The following FZD5 variants were observed in gnomAD, a reference collection of about 807,000 sequenced individuals.
The protein encoded by FZD5 is frizzled class receptor 5.
In FZD5, 12 loss-of-function variants were observed where a neutral mutation model predicts 40.8. The ratio of observed to expected loss-of-function variants is 0.29; its 90% CI spans 0.19 to 0.48. FZD5 has a LOEUF of 0.48. FZD5 is among the 20% of genes least tolerant of loss of function. FZD5 has a pLI of 0.99. For missense variants in FZD5, 622 were observed against 832.8 expected (o/e 0.75, Z 3.12); for synonymous variants, 380 against 383.7 (o/e 0.99, Z 0.11).
chr2:207,764,547 CA>C lies in FZD5; in HGVS notation c.*2434del, dbSNP rs2091970128. 6.6e-6 allele frequency: 1 copy of C among 152,164 alleles called. No homozygotes were observed. Among genetic ancestry groups the C allele is most frequent in the African/African-American group, 2.4e-5 (1 of 41,446 alleles). The allele number at this position is 152,164 out of a possible 1,614,324, so 9.4% of individuals were successfully genotyped here. A position where few individuals can be genotyped will look rare whatever the true frequency, so the allele number is the denominator to read the frequency against. On this transcript the variant is annotated 3_prime_UTR_variant, in exon 2 of 2. Transcript: ENST00000295417. Reference sequence around the variant, plus strand: ...TGAAAGTTGGTCTGGAATTAGACCCCAAAGATCCTGACTAATATTGCCCCCC... The same window carrying C: ...TGAAAGTTGGTCTGGAATTAGACCCCAAGATCCTGACTAATATTGCCCCCC...
In FZD5 at chr2:207,768,127, G is replaced by C. The variant is rs1411784705; in HGVS notation, c.613C>G (p.Pro205Ala). The stretch of plus-strand genomic sequence containing the variant: ...CCCGTCCGCACCTTGTTGTAGAGCG[G>C]GTGTGACTCCTTCAGAATGGGCACG... ...PFVPILKESHPLYNKVRTGQV... is the reference protein window; with the variant it reads ...PFVPILKESHALYNKVRTGQV... The change falls in exon 2 of 2, where the codon CCG becomes GCG. Residue 205 changes from proline (P) to alanine (A), a missense_variant. Pro to Ala is a conservative substitution (Grantham distance 27). Coordinates refer to ENST00000295417, the MANE Select transcript of FZD5 (RefSeq NM_003468.4). The C allele has an allele frequency of 6.2e-7, 1 of 1,612,648 alleles. No individual in the cohort carries two copies.
rs1575234315 is a variant in FZD5 at position 207,767,182 on chromosome 2, A to C, written c.1558T>G (p.Trp520Gly). 1 of 1,598,756 alleles carries C rather than the reference A, an allele frequency of 6.3e-7. No homozygotes were observed. Among genetic ancestry groups the C allele is most frequent in the African/African-American group, 1.3e-5 (1 of 74,546 alleles). The change falls in exon 2 of 2, where the codon TGG (tryptophan) becomes GGG (glycine). Residue 520 changes from tryptophan (W) to glycine (G), a missense_variant. Physicochemically the swap from Trp to Gly is radical, Grantham distance 184. Coordinates refer to ENST00000295417, the MANE Select transcript of FZD5 (RefSeq NM_003468.4). ...TCCACCGTCTTGCCCGACCAGATCC[A>C]GACGCCCGACGTGATGCCCACCACC... ...CLVVGITSGV[W>G]IWSGKTVESW...
rs2091985183 is a variant in FZD5, at chr2:207,767,374, G to A, written c.1366C>T (p.Leu456Phe). ...LMIRIGIFTLLYTVPASIVVA... is the reference protein window; with the variant it reads ...LMIRIGIFTLFYTVPASIVVA... ...ACAATGCTGGCGGGGACCGTGTAGA[G>A]CAGCGTGAAGATGCCGATGCGGATC... is the stretch of plus-strand genomic sequence containing the variant. The change falls in exon 2 of 2, where the codon CTC becomes TTC. Residue 456 changes from leucine (L) to phenylalanine (F), a missense_variant. Physicochemically the swap from Leu to Phe is conservative, Grantham distance 22. This residue lies in a region of FZD5 where 208 missense variants were observed against 348.9 expected (regional missense o/e 0.60). Transcript: ENST00000295417. 3 of 1,612,282 alleles carry A rather than the reference G, an allele frequency of 1.9e-6. No homozygotes were observed. The highest frequency in any genetic ancestry group is 1.7e-5 in the Admixed American group (1 of 59,978).
In FZD5 at chr2:207,765,522, A is replaced by T. The variant is rs2105850199; in HGVS notation, c.*1460T>A. On this transcript the variant is annotated 3_prime_UTR_variant, in exon 2 of 2. Transcript: ENST00000295417. The stretch of plus-strand genomic sequence containing the variant: ...ATAGTTAAACAGATTAGTAAAGCAA[A>T]CCAAATTCTCTAATTGCAAAGTGTG... 6.6e-6 allele frequency: 1 copy of T among 152,434 alleles called. No individual in the cohort carries two copies. The highest frequency in any genetic ancestry group is 1.9e-4 in the East Asian group (1 of 5,186). 9.4% of individuals were successfully genotyped at this position (152,434 alleles called of 1,614,324 possible).
At position 207,763,183 on chromosome 2, in the gene FZD5, A is replaced by G. The variant is rs1288683818; in HGVS notation, c.*3799T>C. ...GTCACCAAATCTCTCATATATATAT[A>G]TAATATATATTATGTATATATACAA... On this transcript the variant is annotated 3_prime_UTR_variant, in exon 2 of 2. Coordinates refer to ENST00000295417, the MANE Select transcript of FZD5 (RefSeq NM_003468.4). The G allele has an allele frequency of 6.6e-6, 1 of 152,106 alleles. No individual in the cohort carries two copies. The highest frequency in any genetic ancestry group is 1.5e-5 in the Non-Finnish European group (1 of 67,966). The allele number at this position is 152,106 out of a possible 1,614,324, so 9.4% of individuals were successfully genotyped here.
chr2:207,768,083 C>G lies in FZD5; in HGVS notation c.657G>C (p.Ala219=), dbSNP rs1359795606. ...KVRTGQVPNC[A]VPCYQPSFSA... The stretch of plus-strand genomic sequence containing the variant: ...TGAAGGACGGCTGGTAGCAGGGTAC[C>G]GCGCAGTTGGGCACCTGGCCCGTCC... The change falls in exon 2 of 2, where the codon GCG becomes GCC. Residue 219 remains alanine, a synonymous_variant. Transcript: ENST00000295417. 8 of 1,613,208 alleles carry G rather than the reference C, an allele frequency of 5.0e-6. No homozygotes were observed. In the African/African-American group the frequency reaches 5.3e-5, roughly 11 times the overall value.
chr2:207,764,756 G>A lies in FZD5; in HGVS notation c.*2226C>T, dbSNP rs1222028218. Reference sequence around the variant, plus strand: ...CCAGATTTCTCCACAAAGAAGGAGGGACAACCCAAATGAGGCACAATGACT... The same window carrying A: ...CCAGATTTCTCCACAAAGAAGGAGGAACAACCCAAATGAGGCACAATGACT... On this transcript the variant is annotated 3_prime_UTR_variant, in exon 2 of 2. Coordinates refer to ENST00000295417, the MANE Select transcript of FZD5 (RefSeq NM_003468.4). 1.3e-5 allele frequency: 2 copies of A among 152,208 alleles called. No individual in the cohort carries two copies. The highest frequency in any genetic ancestry group is 2.4e-5 in the African/African-American group (1 of 41,454). The allele number at this position is 152,208 out of a possible 1,614,324, so 9.4% of individuals were successfully genotyped here.
Position 207,766,841 on chromosome 2 carries a change from C to A in FZD5, c.*141G>T, listed in dbSNP as rs1004234744. 11 of 594,330 alleles carry A rather than the reference C, an allele frequency of 1.9e-5. No individual in the cohort carries two copies. In the Admixed American group the frequency reaches 2.5e-4, roughly 13 times the overall value. 36.8% of individuals were successfully genotyped at this position (594,330 alleles called of 1,614,324 possible). A position where few individuals can be genotyped will look rare whatever the true frequency, so the allele number is the denominator to read the frequency against. On this transcript the variant is annotated 3_prime_UTR_variant, in exon 2 of 2. Coordinates refer to ENST00000295417, the MANE Select transcript of FZD5 (RefSeq NM_003468.4). ...CCTGGGACAGGTTCTTCCTCGAAAA[C>A]GCCCCTCTTCCCTCTCTCCAAGTCG...
rs62189218 is a variant in FZD5, at chr2:207,765,633, G to T, written c.*1349C>A. ...CACTATACTGATCTATATTTTAAAA[G>T]GTTGTGCAAGCATGTTATGCATCTC... On this transcript the variant is annotated 3_prime_UTR_variant, in exon 2 of 2. Coordinates refer to ENST00000295417, the MANE Select transcript of FZD5 (RefSeq NM_003468.4). 1,653 of 152,738 alleles carry T rather than the reference G, an allele frequency of 0.011. 19 individuals carry two copies. The highest frequency in any genetic ancestry group is 0.041 in the South Asian group (198 of 4,822). The allele number at this position is 152,738 out of a possible 1,614,324, so 9.5% of individuals were successfully genotyped here. A position where few individuals can be genotyped will look rare whatever the true frequency, so the allele number is the denominator to read the frequency against.
chr2:207,768,395 G>A lies in FZD5; in HGVS notation c.345C>T (p.Gly115=). 6.2e-7 allele frequency: 1 copy of A among 1,604,094 alleles called. No homozygotes were observed. Among genetic ancestry groups the A allele is most frequent in the Non-Finnish European group, 8.5e-7 (1 of 1,178,490 alleles). The change falls in exon 2 of 2, where the codon GGC becomes GGT. Residue 115 remains glycine, a synonymous_variant. Coordinates refer to ENST00000295417, the MANE Select transcript of FZD5 (RefSeq NM_003468.4). ...CGTACTGGCGCATCAGCGGCGAGCA[G>A]CCGGCCTTGGCGCGCTCGCACACCG... ...CRSVCERAKA[G]CSPLMRQYGF...
chr2:207,768,918 T>A lies in FZD5; in HGVS notation c.-179A>T. The A allele has an allele frequency of 1.7e-6, 1 of 601,908 alleles. No homozygotes were observed. The highest frequency in any genetic ancestry group is 2.1e-5 in the South Asian group (1 of 48,216). The allele number at this position is 601,908 out of a possible 1,614,324, so 37.3% of individuals were successfully genotyped here. A position where few individuals can be genotyped will look rare whatever the true frequency, so the allele number is the denominator to read the frequency against. ...TAAACTGCTTCGGGAAGGCGCTGCC[T>A]CCGCTGGCAGCGCTCCGCTCCTCGC... On this transcript the variant is annotated 5_prime_UTR_variant, in exon 2 of 2. Coordinates refer to ENST00000295417, the MANE Select transcript of FZD5 (RefSeq NM_003468.4).
rs1404127141 is a variant in FZD5, at chr2:207,767,800, G to C, written c.940C>G (p.Leu314Val). 1 of 1,612,620 alleles carries C rather than the reference G, an allele frequency of 6.2e-7. No individual in the cohort carries two copies. The highest frequency in any genetic ancestry group is 1.1e-5 in the South Asian group (1 of 90,766). The part of the protein sequence containing the change: ...HIHYETTGPA[L>V]CTIVFLLVYF... ...ACCAGGAGGAAGACGATGGTGCACA[G>C]TGCAGGGCCCGTGGTCTCGTAGTGG... The change falls in exon 2 of 2, where the codon CTG becomes GTG. Residue 314 changes from leucine (L) to valine (V), a missense_variant. Transcript: ENST00000295417.
In FZD5 at chr2:207,768,264, G is replaced by C. The variant is rs754794952; in HGVS notation, c.476C>G (p.Pro159Arg). ...GGGCTTGGCTGGGAAAGGCCTGGGGGGCGCCGTGGTGGCCTCGCTGCGGTT... is the reference window on the plus strand; with the variant it reads ...GGGCTTGGCTGGGAAAGGCCTGGGGCGCGCCGTGGTGGCCTCGCTGCGGTT... ...DYNRSEATTAPPRPFPAKPTL... is the reference protein window; with the variant it reads ...DYNRSEATTARPRPFPAKPTL... Residue 159 changes from proline (P) to arginine (R), a missense_variant, in exon 2 of 2, where the codon CCC becomes CGC. Coordinates refer to ENST00000295417, the MANE Select transcript of FZD5 (RefSeq NM_003468.4). The C allele has an allele frequency of 6.5e-7, 1 of 1,546,296 alleles. No homozygotes were observed. Among genetic ancestry groups the C allele is most frequent in the South Asian group, 1.2e-5 (1 of 85,554 alleles).
At position 207,767,842 on chromosome 2, in the gene FZD5, G is replaced by A. The variant is rs1575234767; in HGVS notation, c.898C>T (p.Arg300Cys). ...TCGTAGTGGATGTGGTTGTGCTCGC[G>A]GCTGCAGGCCACGCTGGCATGGCCC... ...VVGHASVACSREHNHIHYETT... is the reference protein window; with the variant it reads ...VVGHASVACSCEHNHIHYETT... Residue 300 changes from arginine to cysteine, a missense_variant, in exon 2 of 2, where the codon CGC becomes TGC. By Grantham distance (180) the Arg-to-Cys change is radical (BLOSUM62 -3). Transcript: ENST00000295417. The A allele has an allele frequency of 6.2e-7, 1 of 1,602,520 alleles. No homozygotes were observed. The highest frequency in any genetic ancestry group is 1.1e-5 in the South Asian group (1 of 89,528).
Position 207,767,894 on chromosome 2 carries a change from C to T in FZD5, c.846G>A (p.Ser282=), listed in dbSNP as rs578062013. The change falls in exon 2 of 2, where the codon TCG becomes TCA. Residue 282 remains serine, a synonymous_variant. Transcript: ENST00000295417. ...IFLSACYLCV[S]LGFLVRLVVG... The stretch of plus-strand genomic sequence containing the variant: ...CGACCAGACGCACCAGGAAGCCCAG[C>T]GACACGCACAGGTAGCAGGCTGACA... 8.1e-6 allele frequency: 13 copies of T among 1,598,476 alleles called. No individual in the cohort carries two copies. The South Asian group carries it at 1.1e-4, about 14-fold the overall frequency.
rs375732668 is a variant in FZD5 at position 207,767,279 on chromosome 2, C to A, written c.1461G>T (p.Pro487=). ...SWEAALTCAC[P]GHDTGQPRAK... is the part of the protein sequence containing the mutation. ...CGCGCGGCTGGCCGGTGTCGTGGCCCGGGCAGGCGCAGGTGAGCGCCGCCT... is the reference window on the plus strand; with the variant it reads ...CGCGCGGCTGGCCGGTGTCGTGGCCAGGGCAGGCGCAGGTGAGCGCCGCCT... Residue 487 remains proline, a synonymous_variant, in exon 2 of 2, where the codon CCG becomes CCT. Coordinates refer to ENST00000295417, the MANE Select transcript of FZD5 (RefSeq NM_003468.4). 1.3e-5 allele frequency: 21 copies of A among 1,610,850 alleles called. No homozygotes were observed. The African/African-American group carries it at 2.5e-4, about 19-fold the overall frequency.
Position 207,768,161 on chromosome 2 carries a change from G to T in FZD5, c.579C>A (p.Arg193=). 2 of 1,608,070 alleles carry T rather than the reference G, an allele frequency of 1.2e-6. No homozygotes were observed. The highest frequency in any genetic ancestry group is 1.7e-6 in the Non-Finnish European group (2 of 1,179,474). Residue 193 remains arginine (R), a synonymous_variant, in exon 2 of 2, where the codon CGC becomes CGA. Transcript: ENST00000295417. ...CCTTCAGAATGGGCACGAAGGGCTC[G>T]CGACACTTGCACACGAACGGGCCCC... ...PAGGPFVCKC[R]EPFVPILKES... is the part of the protein sequence containing the mutation.
Position 207,763,718 on chromosome 2 carries a change from G to C in FZD5, c.*3264C>G, listed in dbSNP as rs746878041. On this transcript the variant is annotated 3_prime_UTR_variant, in exon 2 of 2. Transcript: ENST00000295417. The stretch of plus-strand genomic sequence containing the variant: ...TTCCTAGCTCTGGGGTTCCCATTCT[G>C]TACTGGAGAGTGCAGGTCACGGATG... The C allele has an allele frequency of 1.3e-5, 2 of 152,666 alleles. No individual in the cohort carries two copies. Among genetic ancestry groups the C allele is most frequent in the Non-Finnish European group, 1.5e-5 (1 of 68,082 alleles). The allele number at this position is 152,666 out of a possible 1,614,324, so 9.5% of individuals were successfully genotyped here. A position where few individuals can be genotyped will look rare whatever the true frequency, so the allele number is the denominator to read the frequency against.
At position 207,768,065 on chromosome 2, in the gene FZD5, C is replaced by A. The variant is rs201556349; in HGVS notation, c.675G>T (p.Pro225=). Residue 225 remains proline, a synonymous_variant, in exon 2 of 2, where the codon CCG becomes CCT. Transcript: ENST00000295417. ...VPNCAVPCYQ[P]SFSADERTFA... is the part of the protein sequence containing the mutation. ...ACGTGCGCTCGTCGGCACTGAAGGA[C>A]GGCTGGTAGCAGGGTACCGCGCAGT... 2.6e-4 allele frequency: 424 copies of A among 1,612,994 alleles called. No homozygotes were observed. Among genetic ancestry groups the A allele is most frequent in the Non-Finnish European group, 3.3e-4 (384 of 1,179,610 alleles).
Sources: gnomAD v4.1 joint callset for allele counts on GRCh38, gnomAD v4.1.1 for gene constraint, gnomAD v4.1.1 regional missense constraint, MANE v1.5 for transcripts, NCBI Gene and HGNC (gene_info 2026-07-23, HGNC 2026-07-21) for gene names.